TMEM178B: variants seen among roughly 807,000 people sequenced by gnomAD.
TMEM178B encodes transmembrane protein 178B.
Under a neutral mutation model 31.0 loss-of-function variants are expected in TMEM178B, and 5 were observed. The ratio of observed to expected loss-of-function variants is 0.16; its 90% CI spans 0.08 to 0.34. The LOEUF (loss-of-function observed/expected upper bound fraction) is 0.34, where lower values mean the gene tolerates loss of function less well. TMEM178B is among the 10% of genes least tolerant of loss of function. The pLI is 1.00. For synonymous variants in TMEM178B, 164 were observed against 164.0 expected, an observed-to-expected ratio of 1.00 and a Z score of 0.00; for missense variants, 275 against 400.3, an observed-to-expected ratio of 0.69 and a Z score of 2.67.
intron 2 of TMEM178B, among the ~76,000 whole-genome samples, chr7:141,336,921 C>CCACCACCACCAT (rs1563155178): frequency 9.7e-5 from 13 of 133,896 alleles, no homozygotes; most frequent in African/African-American, 2.9e-4. Context: ...ACCACCACCA[C>CCACCACCACCAT]CACCACCACC....
chr7:141,206,788 T>C (rs1345018220), intron 1 of TMEM178B, among the ~76,000 whole-genome samples: 8 of 152,240 alleles, frequency 5.3e-5, no homozygotes, highest in Non-Finnish European at 7.3e-5. Context: ...TTGCTGTTAA[T>C]GTAGTAAGGA....
At chr7:141,119,695 G>T (rs922455019) in intron 1 of TMEM178B, among the ~76,000 whole-genome samples, 2 of 152,148 alleles carry the variant, frequency 1.3e-5, no homozygotes, top group African/African-American at 2.4e-5. Flanking sequence ...GGAGGGTAAG[G>T]GTGAGATGGA....
chr7:141,207,054 G>A (rs1245424649), intron 1 of TMEM178B, among the ~76,000 whole-genome samples: 1 of 152,274 alleles, frequency 6.6e-6, no homozygotes, highest in African/African-American at 2.4e-5. Flanking sequence ...TCTGTGACTG[G>A]CTTATTCACT....
chr7:141,438,909 T>C (rs1479802118), intron 3 of TMEM178B, among the ~76,000 whole-genome samples: 1 of 150,652 alleles, frequency 6.6e-6, no homozygotes. Context: ...AAAGAAATGT[T>C]TATGGAAAGA....
At chr7:141,260,052 C>T (rs1797987611) in intron 2 of TMEM178B, among the ~76,000 whole-genome samples, 1 of 151,948 alleles carries the variant, frequency 6.6e-6, no homozygotes, top group Non-Finnish European at 1.5e-5. Context: ...ATCAAGACCC[C>T]GATGTTTTAT....
At chr7:141,349,271 A>C in intron 2 of TMEM178B, among the ~76,000 whole-genome samples, 1 of 152,178 alleles carries the variant, frequency 6.6e-6, no homozygotes, top group East Asian at 1.9e-4. Context: ...TGGAATGTTC[A>C]GATTGTCAAA....
At chr7:141,260,290 T>A (rs776462801) in intron 2 of TMEM178B, among the ~76,000 whole-genome samples, 2 of 152,238 alleles carry the variant, frequency 1.3e-5, no homozygotes, top group Non-Finnish European at 2.9e-5. Context: ...AAGTACTGTT[T>A]CATTGGAGGA....
chr7:141,131,387 A>G (rs139784720), intron 1 of TMEM178B, among the ~76,000 whole-genome samples: 43 of 152,250 alleles, frequency 2.8e-4, no homozygotes, highest in African/African-American at 1.0e-3. Flanking sequence ...GTTCTGTTTC[A>G]TATGTGTTAC....
chr7:141,402,895 G>T (rs1800812043), intron 2 of TMEM178B, among the ~76,000 whole-genome samples: 1 of 152,228 alleles, frequency 6.6e-6, no homozygotes, highest in Non-Finnish European at 1.5e-5. Flanking sequence ...GCTTTCCTTT[G>T]TTTCTCAGTT....
chr7:141,270,615 A>G (rs551586649), intron 2 of TMEM178B, among the ~76,000 whole-genome samples: 106 of 152,290 alleles, frequency 7.0e-4, no homozygotes, highest in African/African-American at 2.4e-3. Context: ...ATCATTTCTA[A>G]TTAAAATATA....
At chr7:141,383,782 G>T (rs1800375113) in intron 2 of TMEM178B, among the ~76,000 whole-genome samples, 1 of 152,172 alleles carries the variant, frequency 6.6e-6, no homozygotes, top group South Asian at 2.1e-4. Flanking sequence ...AGATCCTTGA[G>T]GAATCACCAC....
At chr7:141,123,966 G>T (rs1795448922) in intron 1 of TMEM178B, among the ~76,000 whole-genome samples, 1 of 152,120 alleles carries the variant, frequency 6.6e-6, no homozygotes, top group Non-Finnish European at 1.5e-5. Flanking sequence ...TGTTGCCCAG[G>T]CTGGTCTCAA....
At chr7:141,355,162 A>T (rs191845126) in intron 2 of TMEM178B, among the ~76,000 whole-genome samples, 1 of 152,314 alleles carries the variant, frequency 6.6e-6, no homozygotes, top group East Asian at 1.9e-4. Flanking sequence ...TCCAGGGTGA[A>T]TAATGATCAC....
intron 2 of TMEM178B, among the ~76,000 whole-genome samples, chr7:141,281,047 C>T (rs1204639149): frequency 6.6e-6 from 1 of 152,104 alleles, no homozygotes; most frequent in Non-Finnish European, 1.5e-5. Context: ...CTTTGCTCTG[C>T]ACCCTCTCCT....
At chr7:141,167,435 A>C (rs761473760) in intron 1 of TMEM178B, among the ~76,000 whole-genome samples, 1 of 152,228 alleles carries the variant, frequency 6.6e-6, no homozygotes, top group African/African-American at 2.4e-5. Flanking sequence ...GTGTGCGCGA[A>C]TCGTGTTGCC....
chr7:141,391,777 C>T (rs1383105239), intron 2 of TMEM178B, among the ~76,000 whole-genome samples: 1 of 152,104 alleles, frequency 6.6e-6, no homozygotes, highest in Non-Finnish European at 1.5e-5. Context: ...TACACGGAAT[C>T]ACGCCTGTTA....
At chr7:141,265,878 G>T (rs1353824125) in intron 2 of TMEM178B, among the ~76,000 whole-genome samples, 1 of 152,236 alleles carries the variant, frequency 6.6e-6, no homozygotes, top group East Asian at 1.9e-4. Context: ...TTGGTTATTT[G>T]GAGAGGCATT....
At chr7:141,345,353 C>A (rs192735208) in intron 2 of TMEM178B, among the ~76,000 whole-genome samples, 5 of 152,278 alleles carry the variant, frequency 3.3e-5, no homozygotes, top group African/African-American at 1.2e-4. Context: ...TTGATAATAT[C>A]AACAATTTGA....
At chr7:141,228,032 G>T (rs925467683) in intron 2 of TMEM178B, among the ~76,000 whole-genome samples, 1 of 151,138 alleles carries the variant, frequency 6.6e-6, no homozygotes, top group Non-Finnish European at 1.5e-5. Context: ...AAGAAATAAG[G>T]TGTGTGTACA....
Sources: allele counts gnomAD v4.1 joint callset (sites outside exome capture counted in the v4.1 genomes callset), GRCh38; gene constraint gnomAD v4.1.1; transcripts MANE v1.5; gene names NCBI Gene and HGNC (gene_info 2026-07-23, HGNC 2026-07-21).